Variants in MACO1 observed in about 807,000 individuals in gnomAD.
MACO1 encodes the protein macoilin 1.
A neutral mutation model predicts 78.7 loss-of-function variants in MACO1; 14 were observed. That is an observed-to-expected ratio of 0.18 (90% CI 0.12 to 0.28). MACO1 has a LOEUF of 0.28. Among genes scored for constraint, MACO1 ranks in the 10% least tolerant of loss-of-function variants. MACO1 has a pLI of 1.00. For synonymous variants in MACO1, 288 were observed against 291.6 expected, an observed-to-expected ratio of 0.99 and a Z score of 0.12; for missense variants, 501 against 799.0, an observed-to-expected ratio of 0.63 and a Z score of 4.50.
intron 1 of MACO1, among the ~76,000 whole-genome samples, chr1:25,441,511 A>T (rs1363011232): frequency 1.3e-5 from 2 of 152,240 alleles, no homozygotes; most frequent in Non-Finnish European, 2.9e-5. Context: ...GAGAAAAAAA[A>T]TAGTTAAGAT....
At chr1:25,452,268 TC>T (rs1219006595) in intron 3 of MACO1, among the ~76,000 whole-genome samples, 2 of 152,134 alleles carry the variant, frequency 1.3e-5, no homozygotes, top group Non-Finnish European at 2.9e-5. Context: ...ACTGATTTTT[TC>T]CCCCTCGTGC....
intron 1 of MACO1, among the ~76,000 whole-genome samples, chr1:25,437,929 A>G (rs1488644148): frequency 6.6e-6 from 1 of 152,134 alleles, no homozygotes; most frequent in African/African-American, 2.4e-5. Context: ...TCAAAAAAAG[A>G]GAATTGGCTG....
chr1:25,456,548 T>G, intron 4 of MACO1, 105 bp from the exon 5 acceptor site: 1 of 1,161,888 alleles, frequency 8.6e-7, no homozygotes, highest in Non-Finnish European at 1.2e-6. Context: ...CCATCATCAA[T>G]TAGAATTTAT....
At position 25,498,549 on chromosome 1, in the gene MACO1, C is replaced by A. The variant is rs2043557950; in HGVS notation, c.*83C>A. The A allele has an allele frequency of 7.8e-7, 1 of 1,288,684 alleles. No homozygotes were observed. Among genetic ancestry groups the A allele is most frequent in the Non-Finnish European group, 1.1e-6 (1 of 928,714 alleles). 79.8% of individuals were successfully genotyped at this position (1,288,684 alleles called of 1,614,324 possible). A position where few individuals can be genotyped will look rare whatever the true frequency, so the allele number is the denominator to read the frequency against. ...GTCTCTGGCAGTCAAGATAAAAAAA[C>A]AGTTTCTATTGTATTTTGTGGAACT... is the stretch of plus-strand genomic sequence containing the variant. On this transcript the variant is annotated 3_prime_UTR_variant, in exon 11 of 11. Transcript: ENST00000374343.
At chr1:25,467,395 A>G (rs1162431995) in intron 6 of MACO1, among the ~76,000 whole-genome samples, 2 of 152,218 alleles carry the variant, frequency 1.3e-5, no homozygotes, top group African/African-American at 4.8e-5. Flanking sequence ...CCCTCTCAAA[A>G]CAGCCCAAGA....
chr1:25,431,073 C>T lies in MACO1; in HGVS notation c.-26C>T. 1 of 1,559,122 alleles carries T rather than the reference C, an allele frequency of 6.4e-7. No homozygotes were observed. The highest frequency in any genetic ancestry group is 8.7e-7 in the Non-Finnish European group (1 of 1,154,978). ...GAGGTGAGAGACGGCGGCGGCGGCG[C>T]GGGCACCCGGCCCCCCAGCGGGAGG... On this transcript the variant is annotated 5_prime_UTR_variant, in exon 1 of 11. Coordinates refer to ENST00000374343, the MANE Select transcript of MACO1 (RefSeq NM_018202.6).
intron 10 of MACO1, 85 bp downstream of exon 10, chr1:25,491,669 A>G (rs2124612909): frequency 8.6e-7 from 1 of 1,159,142 alleles, no homozygotes; most frequent in African/African-American, 1.5e-5. Context: ...AGAGCTCTCA[A>G]CCAAGGGGCA....
At position 25,498,280 on chromosome 1, in the gene MACO1, A is replaced by G; in HGVS notation, c.1809A>G (p.Lys603=). The G allele has an allele frequency of 6.2e-7, 1 of 1,614,192 alleles. No individual in the cohort carries two copies. The highest frequency in any genetic ancestry group is 8.5e-7 in the Non-Finnish European group (1 of 1,180,020). ...LEIAQGQILQ[K]DQEIKDLKQK... ...ATCTTACAGGACAAATCCTTCAGAA[A>G]GATCAGGAAATCAAGGACCTAAAAC... The change falls in exon 11 of 11, where the codon AAA becomes AAG. Residue 603 remains lysine (K), a synonymous_variant. Coordinates refer to ENST00000374343, the MANE Select transcript of MACO1 (RefSeq NM_018202.6).
At chr1:25,469,284 A>G (rs1352355186) in intron 6 of MACO1, among the ~76,000 whole-genome samples, 2 of 152,232 alleles carry the variant, frequency 1.3e-5, no homozygotes, top group Non-Finnish European at 2.9e-5. Flanking sequence ...ATCAGTGAGT[A>G]TGTTGATTAG....
At chr1:25,480,929 A>AAAAAAT (rs1553166539) in intron 6 of MACO1, among the ~76,000 whole-genome samples, 49 of 47,888 alleles carry the variant, frequency 1.0e-3, no homozygotes, top group South Asian at 2.8e-3. Flanking sequence ...AAAAAAAAAA[A>AAAAAAT]ATATATATAT....
intron 10 of MACO1, among the ~76,000 whole-genome samples, chr1:25,493,953 G>A (rs985539953): frequency 2.6e-5 from 4 of 151,888 alleles, no homozygotes; most frequent in African/African-American, 9.7e-5. Flanking sequence ...GGATGGTCTC[G>A]ATCTCCTGAC....
At chr1:25,495,405 G>A (rs116101120) in intron 10 of MACO1, among the ~76,000 whole-genome samples, 134 of 152,252 alleles carry the variant, frequency 8.8e-4, no homozygotes, top group African/African-American at 3.1e-3. Context: ...TTATATATCA[G>A]ATGCTTTTAG....
chr1:25,454,448 G>A (rs2043098488), intron 4 of MACO1, 66 bp downstream of exon 4: 4 of 188,272 alleles, frequency 2.1e-5, no homozygotes, highest in African/African-American at 7.5e-5. Flanking sequence ...ATGTGTGTGT[G>A]TGTGTGTGTG....
At chr1:25,467,205 C>T (rs2043227232) in intron 6 of MACO1, among the ~76,000 whole-genome samples, 1 of 152,124 alleles carries the variant, frequency 6.6e-6, no homozygotes, top group Admixed American at 6.6e-5. Flanking sequence ...TTGCAGTAAG[C>T]CAAGATCATG....
intron 6 of MACO1, among the ~76,000 whole-genome samples, chr1:25,471,202 A>G (rs2043266781): frequency 6.7e-6 from 1 of 149,224 alleles, no homozygotes; most frequent in Non-Finnish European, 1.5e-5. Context: ...AGCTGAGTGC[A>G]GTGGCGGGTG....
chr1:25,448,792 T>C lies in MACO1; in HGVS notation c.223-16T>C, dbSNP rs2043038709. ...TCTAAGATGTATCTTTTATTTTGTT[T>C]TATTTTTCCCTTTAGGCCTTCTCAG... On this transcript the variant is annotated splice_polypyrimidine_tract_variant and intron_variant, in intron 2 of 10. Coordinates refer to ENST00000374343, the MANE Select transcript of MACO1 (RefSeq NM_018202.6). 6 of 1,514,980 alleles carry C rather than the reference T, an allele frequency of 4.0e-6. No homozygotes were observed. The highest frequency in any genetic ancestry group is 1.4e-5 in the African/African-American group (1 of 73,292). The allele number at this position is 1,514,980 out of a possible 1,614,324, so 93.8% of individuals were successfully genotyped here.
chr1:25,460,577 T>A (rs982489052), intron 6 of MACO1, among the ~76,000 whole-genome samples: 6 of 152,146 alleles, frequency 3.9e-5, no homozygotes, highest in African/African-American at 1.4e-4. Flanking sequence ...GCTAATTTTT[T>A]AATTTTTTTG....
At chr1:25,434,650 T>TA (rs2042903889) in intron 1 of MACO1, among the ~76,000 whole-genome samples, 1 of 152,252 alleles carries the variant, frequency 6.6e-6, no homozygotes, top group Admixed American at 6.5e-5. Context: ...TATTTTATGA[T>TA]AAAGTAGACA....
intron 1 of MACO1, among the ~76,000 whole-genome samples, chr1:25,444,462 C>T (rs891626921): frequency 1.3e-5 from 2 of 151,934 alleles, no homozygotes; most frequent in African/African-American, 2.4e-5. Context: ...TTTTTCAAAA[C>T]GTAGAAAGGG....
Sources: gnomAD v4.1 joint callset for allele counts (sites outside exome capture counted in the v4.1 genomes callset) on GRCh38, gnomAD v4.1.1 for gene constraint, MANE v1.5 for transcripts, NCBI Gene and HGNC (gene_info 2026-07-23, HGNC 2026-07-21) for gene names.